WDR41: variants seen among roughly 807,000 people sequenced by gnomAD.
The protein encoded by WDR41 is WD repeat-containing protein 41.
A neutral mutation model predicts 69.3 loss-of-function variants in WDR41; 63 were observed. The ratio of observed to expected loss-of-function variants is 0.91; its 90% CI spans 0.74 to 1.12. WDR41 has a LOEUF of 1.12. WDR41 is among the 50% of genes most tolerant of loss of function. WDR41 has a pLI of 0.00. For missense variants in WDR41, 543 were observed against 534.5 expected (o/e 1.02, Z -0.16); for synonymous variants, 185 against 192.1 (o/e 0.96, Z 0.31).
chr5:77,591,679 C>T (rs959984822), intron 1 of WDR41, among the ~76,000 whole-genome samples: 1 of 152,008 alleles, frequency 6.6e-6, no homozygotes, highest in South Asian at 2.1e-4. Context: ...AAATGTTATC[C>T]AATTTCCAAA....
At chr5:77,496,637 G>A (rs335661), upstream of WDR41, among the ~76,000 whole-genome samples, 86,336 of 151,832 alleles carry the variant, frequency 0.57, 26,541 homozygotes, top group African/African-American at 0.8. Flanking sequence ...ATAAAAAGAC[G>A]TCCAAGCTCT....
chr5:77,442,915 G>GAAAAAAAAAAAAAAAAAA (rs1799231024), intron 8 of WDR41, among the ~76,000 whole-genome samples: 1 of 64,800 alleles, frequency 1.5e-5, no homozygotes, highest in African/African-American at 9.4e-5. Context: ...AAAAAAAAAG[G>GAAAAAAAAAAAAAAAAAA]ATTTTTTTCC....
intron 1 of WDR41, among the ~76,000 whole-genome samples, chr5:77,522,250 G>C (rs969612993): frequency 2.0e-5 from 3 of 152,206 alleles, no homozygotes; most frequent in African/African-American, 2.4e-5. Flanking sequence ...AGGAAAACAA[G>C]ACTGAAAATG....
At chr5:77,610,825 TGGA>T (rs1282865008) in intron 1 of WDR41, among the ~76,000 whole-genome samples, 1 of 151,570 alleles carries the variant, frequency 6.6e-6, no homozygotes, top group African/African-American at 2.4e-5. Flanking sequence ...TAAATGTAAA[TGGA>T]CTAAATGCTC....
At chr5:77,447,004 A>G (rs146875415) in intron 8 of WDR41, among the ~76,000 whole-genome samples, 1 of 152,190 alleles carries the variant, frequency 6.6e-6, no homozygotes, top group African/African-American at 2.4e-5. Flanking sequence ...AAATGGGAGA[A>G]AATTTTTGCA....
intron 1 of WDR41, among the ~76,000 whole-genome samples, chr5:77,561,097 T>G (rs774394273): frequency 2.6e-5 from 4 of 152,182 alleles, no homozygotes; most frequent in Non-Finnish European, 5.9e-5. Flanking sequence ...ATTGTTTTGT[T>G]GAATATCATT....
upstream of WDR41, chr5:77,492,318 A>T: frequency 6.7e-7 from 1 of 1,502,404 alleles, no homozygotes; most frequent in Non-Finnish European, 9.1e-7. Flanking sequence ...AGCGCAACTG[A>T]GACGCTAATA....
At chr5:77,442,554 A>G (rs998352801) in intron 8 of WDR41, among the ~76,000 whole-genome samples, 5 of 152,072 alleles carry the variant, frequency 3.3e-5, no homozygotes, top group African/African-American at 7.2e-5. Flanking sequence ...CACTATTTTC[A>G]TATTTTTCTA....
intron 2 of WDR41, among the ~76,000 whole-genome samples, chr5:77,470,788 G>A (rs1800556993): frequency 6.6e-6 from 1 of 152,146 alleles, no homozygotes; most frequent in Non-Finnish European, 1.5e-5. Flanking sequence ...CAAGTCCTTA[G>A]AGACCTAGAA....
In WDR41 at chr5:77,451,282, CAT is replaced by C; in HGVS notation, c.586+7_586+8del. The C allele has an allele frequency of 6.2e-7, 1 of 1,613,124 alleles. No homozygotes were observed. The highest frequency in any genetic ancestry group is 1.3e-5 in the African/African-American group (1 of 74,992). Reference sequence around the variant, plus strand: ...CAAAATACACAAAAAGAAAAAAATTCATACTCACTCAGTTCTTTGCCAACTGC... The same window carrying C: ...CAAAATACACAAAAAGAAAAAAATTCACTCACTCAGTTCTTTGCCAACTGC... On this transcript the variant is annotated splice_region_variant and intron_variant, in intron 7 of 12. Transcript: ENST00000296679.
chr5:77,520,662 G>A lies in WDR41; in HGVS notation c.43-31090C>T, dbSNP rs141945556. 5.3e-5 allele frequency among the ~76,000 whole-genome samples: 8 copies of A among 152,192 alleles called. No individual in the cohort carries two copies. The East Asian group carries it at 1.5e-3, about 29-fold the overall frequency. On this transcript the variant is annotated intron_variant, in intron 1 of 5. Transcript: ENST00000509971. ...TCAGCTGCTCATCCACCCTGAAAAT[G>A]AACTTCCTTTCAGATCTGAACCCCA...
chr5:77,609,747 C>T (rs553595159), intron 1 of WDR41, among the ~76,000 whole-genome samples: 11 of 152,134 alleles, frequency 7.2e-5, no homozygotes, highest in South Asian at 4.2e-4. Context: ...AAAAGCAGAG[C>T]GCCTCTCCTC....
At chr5:77,504,935 AC>A (rs1177157307) in intron 1 of WDR41, among the ~76,000 whole-genome samples, 1 of 152,164 alleles carries the variant, frequency 6.6e-6, no homozygotes, top group East Asian at 1.9e-4. Context: ...ATGGGCAAAA[AC>A]TGGAAGCATT....
chr5:77,614,121 G>A (rs1744625281), intron 1 of WDR41, among the ~76,000 whole-genome samples: 1 of 151,674 alleles, frequency 6.6e-6, no homozygotes, highest in South Asian at 2.1e-4. Flanking sequence ...AGTTAGAATG[G>A]CAATCATTAA....
chr5:77,457,563 T>C (rs1395627963), intron 5 of WDR41, among the ~76,000 whole-genome samples: 3 of 152,164 alleles, frequency 2.0e-5, no homozygotes, highest in African/African-American at 7.2e-5. Context: ...GATTAATGCA[T>C]ATAATAATTT....
intron 1 of WDR41, among the ~76,000 whole-genome samples, chr5:77,512,558 T>C (rs1305543886): frequency 4.6e-5 from 7 of 151,834 alleles, no homozygotes; most frequent in Non-Finnish European, 4.4e-5. Context: ...GAGACCATCC[T>C]GGCCAATGTG....
chr5:77,517,804 A>G (rs531922932), intron 1 of WDR41, among the ~76,000 whole-genome samples: 38 of 152,238 alleles, frequency 2.5e-4, no homozygotes, highest in African/African-American at 8.9e-4. Flanking sequence ...GTTAAAGCAT[A>G]AGATAGCCAA....
intron 1 of WDR41, among the ~76,000 whole-genome samples, chr5:77,523,263 G>C (rs924364736): frequency 6.6e-6 from 1 of 150,744 alleles, no homozygotes; most frequent in Non-Finnish European, 1.5e-5. Flanking sequence ...GCAGTGAGCC[G>C]AGATTGTGCC....
intron 1 of WDR41, among the ~76,000 whole-genome samples, chr5:77,532,488 G>A (rs1166807213): frequency 8.6e-5 from 13 of 152,044 alleles, no homozygotes. Context: ...AGCACCAAGA[G>A]TCTTGTAAAA....
Sources: allele counts gnomAD v4.1 joint callset (sites outside exome capture counted in the v4.1 genomes callset), GRCh38; gene constraint gnomAD v4.1.1; transcripts MANE v1.5; gene names NCBI Gene and HGNC (gene_info 2026-07-23, HGNC 2026-07-21).